The following NIM1K variants were observed in gnomAD, a reference collection of about 807,000 sequenced individuals.
NIM1K encodes the protein serine/threonine-protein kinase NIM1.
In NIM1K, 35 loss-of-function variants were observed where a neutral mutation model predicts 37.1. The observed-to-expected ratio is 0.94, with a 90% CI of 0.72 to 1.25. The LOEUF is 1.25. NIM1K is among the 50% of genes most tolerant of loss of function. The pLI, the probability that NIM1K is intolerant of heterozygous loss-of-function variation, is 0.00. For synonymous variants in NIM1K, 234 were observed against 206.6 expected (o/e 1.13, Z -1.14); for missense variants, 564 against 548.0 (o/e 1.03, Z -0.29).
At chr5:43,196,451 A>C (rs1751915624) in intron 1 of NIM1K, among the ~76,000 whole-genome samples, 1 of 149,662 alleles carries the variant, frequency 6.7e-6, no homozygotes, top group African/African-American at 2.5e-5. Flanking sequence ...ACACAGTGAA[A>C]CCCTGTCTCT....
At chr5:43,220,859 C>T (rs547632189) in intron 1 of NIM1K, among the ~76,000 whole-genome samples, 79 of 151,922 alleles carry the variant, frequency 5.2e-4, no homozygotes, top group African/African-American at 1.7e-3. Flanking sequence ...TTGAAGAAGC[C>T]GAGAGAAGAA....
At chr5:43,231,903 C>G (rs1387281549) in intron 1 of NIM1K, 2 of 1,042,758 alleles carry the variant, frequency 1.9e-6, no homozygotes, top group African/African-American at 1.6e-5. Flanking sequence ...CATGTCCTCA[C>G]TGGCCTCAGA....
intron 1 of NIM1K, among the ~76,000 whole-genome samples, chr5:43,222,455 G>A (rs1752393722): frequency 6.6e-6 from 1 of 152,144 alleles, no homozygotes; most frequent in African/African-American, 2.4e-5. Context: ...TGGGCCAGGT[G>A]TGGTGGCTCA....
chr5:43,232,388 T>G, intron 1 of NIM1K: 2 of 1,409,210 alleles, frequency 1.4e-6, no homozygotes, highest in Non-Finnish European at 1.0e-6. Context: ...GATGGGGGGA[T>G]AGGCCACCAG....
chr5:43,277,744 TTC>T (rs139332282), intron 3 of NIM1K, among the ~76,000 whole-genome samples: 154 of 147,860 alleles, frequency 1.0e-3, no homozygotes, highest in Middle Eastern at 3.6e-3. Context: ...CCCAGCTTGG[TTC>T]TCTCTCTCTC....
chr5:43,222,260 G>A (rs1252521535), intron 1 of NIM1K, among the ~76,000 whole-genome samples: 3 of 152,164 alleles, frequency 2.0e-5, no homozygotes, highest in Admixed American at 6.6e-5. Context: ...TTATGGTTTA[G>A]GACAGAGCAG....
intron 1 of NIM1K, among the ~76,000 whole-genome samples, chr5:43,216,392 C>CT (rs1464014720): frequency 6.6e-6 from 1 of 152,090 alleles, no homozygotes; most frequent in Non-Finnish European, 1.5e-5. Context: ...AAAAAGCTGC[C>CT]TTTTTTCTCT....
At position 43,213,233 on chromosome 5, in the gene NIM1K, TCTTC is replaced by T. The variant is rs1406905380; in HGVS notation, c.-695+20826_-695+20829del. 1.4e-5 allele frequency among the ~76,000 whole-genome samples: 2 copies of T among 148,126 alleles called. 1 individual carries two copies. The highest frequency in any genetic ancestry group is 4.3e-4 in the South Asian group (2 of 4,696). On this transcript the variant is annotated intron_variant, in intron 1 of 3. Coordinates refer to ENST00000326035, the MANE Select transcript of NIM1K (RefSeq NM_153361.4). ...TCTTTCTTTCTTTCTTTCCTTCTTT[TCTTC>T]CTTTCTTTCTTTCTTGTTCTTTCTT...
intron 1 of NIM1K, among the ~76,000 whole-genome samples, chr5:43,243,522 A>T (rs1186507293): frequency 6.6e-6 from 1 of 151,718 alleles, no homozygotes; most frequent in Admixed American, 6.6e-5. Flanking sequence ...TGAGCCCAGG[A>T]TGATTAAGAA....
rs139415320 is a variant in NIM1K at position 43,230,253 on chromosome 5, C to G, written c.-694-14829C>G. On this transcript the variant is annotated intron_variant, in intron 1 of 3. Transcript: ENST00000326035. ...GACTGTGTAGTGATGGGTTTAGGCT[C>G]CTTCTCGGTGGCTCTGCAATTCTCA... 2.5e-3 allele frequency among the ~76,000 whole-genome samples: 382 copies of G among 152,062 alleles called. 1 individual carries two copies. The highest frequency in any genetic ancestry group is 8.7e-3 in the African/African-American group (362 of 41,442).
At chr5:43,215,235 T>G (rs1752282919) in intron 1 of NIM1K, among the ~76,000 whole-genome samples, 2 of 152,206 alleles carry the variant, frequency 1.3e-5, no homozygotes, top group Non-Finnish European at 2.9e-5. Context: ...TCTGGCTCCC[T>G]GGTGAGCAAC....
At chr5:43,269,037 G>A (rs1753213843) in intron 2 of NIM1K, among the ~76,000 whole-genome samples, 1 of 151,984 alleles carries the variant, frequency 6.6e-6, no homozygotes, top group Non-Finnish European at 1.5e-5. Flanking sequence ...CCCGGGCACG[G>A]TGGCTCACAC....
chr5:43,220,035 T>C (rs1752359465), intron 1 of NIM1K, among the ~76,000 whole-genome samples: 1 of 152,128 alleles, frequency 6.6e-6, no homozygotes, highest in African/African-American at 2.4e-5. Context: ...AATTGTGTCC[T>C]TTGATGCATA....
intron 1 of NIM1K, chr5:43,232,267 C>T: frequency 2.7e-6 from 3 of 1,103,434 alleles, no homozygotes; most frequent in Non-Finnish European, 4.1e-6. Context: ...CACATTTCAT[C>T]ATCTGGTTGG....
intron 2 of NIM1K, among the ~76,000 whole-genome samples, chr5:43,249,707 A>G (rs1291510329): frequency 6.6e-6 from 1 of 152,212 alleles, no homozygotes; most frequent in Non-Finnish European, 1.5e-5. Context: ...GGACAAGGGC[A>G]TGAGGTCAGA....
intron 2 of NIM1K, among the ~76,000 whole-genome samples, chr5:43,253,212 A>ATGTGTGTGTG (rs10603525): frequency 2.5e-4 from 33 of 131,734 alleles, no homozygotes; most frequent in African/African-American, 8.6e-4. Context: ...AATATAATAT[A>ATGTGTGTGTG]TGTGTGTGTG....
chr5:43,269,809 G>A (rs1016906084), intron 2 of NIM1K, among the ~76,000 whole-genome samples: 6 of 152,010 alleles, frequency 3.9e-5, no homozygotes, highest in East Asian at 1.9e-4. Flanking sequence ...TAGTAGAGAC[G>A]GGGTTTCACC....
chr5:43,218,857 G>A (rs577246728), intron 1 of NIM1K, among the ~76,000 whole-genome samples: 3 of 151,828 alleles, frequency 2.0e-5, no homozygotes, highest in Non-Finnish European at 4.4e-5. Context: ...CCCACCATGA[G>A]CTGAGATTGC....
At chr5:43,230,418 C>T (rs768921494) in intron 1 of NIM1K, among the ~76,000 whole-genome samples, 2 of 151,880 alleles carry the variant, frequency 1.3e-5, no homozygotes, top group Non-Finnish European at 2.9e-5. Flanking sequence ...ATGGCAGTCA[C>T]GTATGTCACT....
Sources: allele counts gnomAD v4.1 joint callset (sites outside exome capture counted in the v4.1 genomes callset), GRCh38; gene constraint gnomAD v4.1.1; transcripts MANE v1.5; gene names NCBI Gene and HGNC (gene_info 2026-07-23, HGNC 2026-07-21).